Variants in CLCNKB observed in about 807,000 individuals in gnomAD.
The protein encoded by CLCNKB is chloride voltage-gated channel Kb, also known as chloride channel protein ClC-Kb.
Under a neutral mutation model 83.8 loss-of-function variants are expected in CLCNKB, and 74 were observed. The ratio of observed to expected loss-of-function variants is 0.88; its 90% CI spans 0.73 to 1.07. The LOEUF (loss-of-function observed/expected upper bound fraction) is 1.07, where lower values mean the gene tolerates loss of function less well. Ranked by LOEUF, CLCNKB falls within the 50% of genes least tolerant of loss-of-function variation. The probability of loss-of-function intolerance (pLI) is 0.00; values close to 1 mark genes in which losing one functional copy is unlikely to be tolerated. For synonymous variants in CLCNKB, 358 were observed against 356.6 expected (o/e 1.00, Z -0.04); for missense variants, 798 against 893.6 (o/e 0.89, Z 1.36).
chr1:16,053,546 C>T, intron 15 of CLCNKB, 93 bp from the exon 16 acceptor site: 2 of 1,588,862 alleles, frequency 1.3e-6, no homozygotes, highest in African/African-American at 2.7e-5. Flanking sequence ...GCCGTGGGTC[C>T]CCGGTTCAAG....
chr1:16,053,580 G>A, intron 15 of CLCNKB, 59 bp from the exon 16 acceptor site: 1 of 1,612,808 alleles, frequency 6.2e-7, no homozygotes, highest in Non-Finnish European at 8.5e-7. Flanking sequence ...AGATCCCCCT[G>A]CCAGCCTGGG....
chr1:16,050,116 T>G (rs2023241534), intron 10 of CLCNKB, among the ~76,000 whole-genome samples, 200 bp downstream of exon 10: 1 of 86,636 alleles, frequency 1.2e-5, no homozygotes, highest in Non-Finnish European at 2.6e-5. Flanking sequence ...AACCTCCCCA[T>G]TTAACCCCCA....
intron 14 of CLCNKB, 25 bp downstream of exon 14, chr1:16,051,845 G>T (rs201432447): frequency 1.5e-5 from 24 of 1,570,058 alleles, no homozygotes; most frequent in Non-Finnish European, 2.1e-5. Flanking sequence ...GGCCTGCTGC[G>T]TGGGCAATGT....
At position 16,057,092 on chromosome 1, in the gene CLCNKB, C is replaced by T. The variant is rs1317800575; in HGVS notation, c.*176C>T. ...AGAGGATGGCTCATCCTGGGTGGGA[C>T]GATGGCTCCTGCCTTGAAAGACAAA... On this transcript the variant is annotated 3_prime_UTR_variant, in exon 20 of 20. Transcript: ENST00000375679. 3.6e-4 allele frequency: 256 copies of T among 712,190 alleles called. No individual in the cohort carries two copies. The African/African-American group carries it at 3.6e-3, about 10-fold the overall frequency. The allele number at this position is 712,190 out of a possible 1,614,324, so 44.1% of individuals were successfully genotyped here.
intron 12 of CLCNKB, 46 bp from the exon 13 acceptor site, chr1:16,051,432 T>C: frequency 1.9e-6 from 3 of 1,605,806 alleles, no homozygotes; most frequent in Middle Eastern, 1.7e-4. Flanking sequence ...GTCCACGCCT[T>C]GCCCAGCAGC....
In CLCNKB at chr1:16,051,466, C is replaced by G; in HGVS notation, c.1228-12C>G. On this transcript the variant is annotated splice_polypyrimidine_tract_variant and intron_variant, in intron 12 of 19. Transcript: ENST00000375679. ...GCCTCTAACCTCTGCCCTGGGCTCC[C>G]CACTCCCACAGTTCTGGATGCTGAT... 1 of 1,614,088 alleles carries G rather than the reference C, an allele frequency of 6.2e-7. No individual in the cohort carries two copies. Among genetic ancestry groups the G allele is most frequent in the Admixed American group, 1.7e-5 (1 of 60,020 alleles).
rs544582273 is a variant in CLCNKB, at chr1:16,044,578, G to T, written c.86G>T (p.Arg29Leu). ...QELWGPCPRI[R>L]RGIRGGLEWL... ...CTGTGGGGCCCCTGTCCCCGCATCC[G>T]CCGAGGCATCCGAGGTGAGAGCCAG... is the stretch of plus-strand genomic sequence containing the variant. Residue 29 changes from arginine to leucine, a missense_variant, in exon 2 of 20, where the codon CGC becomes CTC. By Grantham distance (102) the Arg-to-Leu change is moderately radical. Coordinates refer to ENST00000375679, the MANE Select transcript of CLCNKB (RefSeq NM_000085.5). 1.9e-6 allele frequency: 3 copies of T among 1,601,320 alleles called. No individual in the cohort carries two copies. The highest frequency in any genetic ancestry group is 2.6e-6 in the Non-Finnish European group (3 of 1,174,928).
chr1:16,051,479 T>A lies in CLCNKB; in HGVS notation c.1229T>A (p.Phe410Tyr), dbSNP rs2023289197. The A allele has an allele frequency of 6.2e-7, 1 of 1,613,926 alleles. No individual in the cohort carries two copies. Among genetic ancestry groups the A allele is most frequent in the Admixed American group, 1.7e-5 (1 of 60,002 alleles). The change falls in exon 13 of 20, where the codon TTC becomes TAC. Residue 410 changes from phenylalanine to tyrosine, a missense_variant and splice_region_variant. Physicochemically the swap from Phe to Tyr is conservative, Grantham distance 22. Coordinates refer to ENST00000375679, the MANE Select transcript of CLCNKB (RefSeq NM_000085.5). The stretch of plus-strand genomic sequence containing the variant: ...GCCCTGGGCTCCCCACTCCCACAGT[T>A]CTGGATGCTGATTCTGGCCACCACC... Reference protein sequence around the residue: ...GTLAFFLVMKFWMLILATTIP... With the variant: ...GTLAFFLVMKYWMLILATTIP...
chr1:16,045,420 C>T (rs527577102), intron 2 of CLCNKB, 138 bp from the exon 3 acceptor site: 20 of 1,030,206 alleles, frequency 1.9e-5, no homozygotes, highest in African/African-American at 4.7e-5. Flanking sequence ...AGGGCCCCCT[C>T]GGGACTACCC....
At chr1:16,050,165 C>G (rs2023242861) in intron 10 of CLCNKB, among the ~76,000 whole-genome samples, 1 of 150,578 alleles carries the variant, frequency 6.6e-6, no homozygotes, top group Non-Finnish European at 1.5e-5. Flanking sequence ...GAACCCCAAC[C>G]CCCTCACTGA....
Position 16,056,430 on chromosome 1 carries a change from C to T in CLCNKB, c.1938C>T (p.Asn646=), listed in dbSNP as rs958070474. Residue 646 remains asparagine, a synonymous_variant, in exon 19 of 20, where the codon AAC becomes AAT. Coordinates refer to ENST00000375679, the MANE Select transcript of CLCNKB (RefSeq NM_000085.5). The part of the protein sequence containing the change: ...SPETSLHEAH[N]LFELLNLHSL... ...TAACATCCCCCATCCAGGCACACAACCTCTTTGAGCTGTTGAACCTTCATT... is the reference window on the plus strand; with the variant it reads ...TAACATCCCCCATCCAGGCACACAATCTCTTTGAGCTGTTGAACCTTCATT... 1.9e-6 allele frequency: 3 copies of T among 1,614,004 alleles called. No homozygotes were observed. Among genetic ancestry groups the T allele is most frequent in the Admixed American group, 3.3e-5 (2 of 60,004 alleles).
intron 9 of CLCNKB, 28 bp from the exon 10 acceptor site, chr1:16,049,787 T>C (rs1472163172): frequency 6.2e-7 from 1 of 1,613,776 alleles, no homozygotes; most frequent in Non-Finnish European, 8.5e-7. Context: ...GGGGTCGGGC[T>C]CTGGGCTCAT....
chr1:16,045,343 A>C (rs2023067750), intron 2 of CLCNKB, among the ~76,000 whole-genome samples: 1 of 152,172 alleles, frequency 6.6e-6, no homozygotes, highest in Non-Finnish European at 1.5e-5. Context: ...TAGGGGCAGC[A>C]GTCCTGGCAC....
chr1:16,055,231 T>C (rs1318543288), intron 16 of CLCNKB, among the ~76,000 whole-genome samples: 2 of 152,170 alleles, frequency 1.3e-5, no homozygotes, highest in East Asian at 3.9e-4. Flanking sequence ...CATCCTCAGC[T>C]ACCACACCTG....
chr1:16,045,535 C>T lies in CLCNKB; in HGVS notation c.101-23C>T, dbSNP rs569318749. 13 of 1,612,156 alleles carry T rather than the reference C, an allele frequency of 8.1e-6. No homozygotes were observed. In the Admixed American group the frequency reaches 1.5e-4, roughly 19 times the overall value. On this transcript the variant is annotated intron_variant, in intron 2 of 19. Transcript: ENST00000375679. Reference sequence around the variant, plus strand: ...CTGTGCCTCCTGCCCCACCCTGTGCCGTGACCCCATGCCCTGCCCCAGGTG... The same window carrying T: ...CTGTGCCTCCTGCCCCACCCTGTGCTGTGACCCCATGCCCTGCCCCAGGTG...
intron 12 of CLCNKB, 28 bp from the exon 13 acceptor site, chr1:16,051,450 C>T (rs774725816): frequency 1.2e-6 from 2 of 1,613,280 alleles, no homozygotes; most frequent in Non-Finnish European, 1.7e-6. Context: ...AGCCTCTAAC[C>T]TCTGCCCTGG....
intron 11 of CLCNKB, 78 bp from the exon 12 acceptor site, chr1:16,050,797 G>T: frequency 1.3e-6 from 2 of 1,598,840 alleles, no homozygotes; most frequent in Non-Finnish European, 8.5e-7. Context: ...GATTCCAGGC[G>T]GGGTCAGGCG....
intron 2 of CLCNKB, among the ~76,000 whole-genome samples, chr1:16,044,956 C>T (rs1436672772): frequency 6.6e-6 from 1 of 152,208 alleles, no homozygotes; most frequent in Non-Finnish European, 1.5e-5. Context: ...CACTTGGCAC[C>T]TTTCCTTGGA....
At position 16,052,189 on chromosome 1, in the gene CLCNKB, C is replaced by T. The variant is rs1267902132; in HGVS notation, c.1409-9C>T. 1.2e-6 allele frequency: 2 copies of T among 1,612,780 alleles called. No individual in the cohort carries two copies. Among genetic ancestry groups the T allele is most frequent in the Non-Finnish European group, 1.7e-6 (2 of 1,179,910 alleles). ...GCCTGAGCTGCCCTGCCTGACTCTG[C>T]CCTTGCAGGGGCTGCAGCCTTCTCA... On this transcript the variant is annotated splice_polypyrimidine_tract_variant and intron_variant, in intron 14 of 19. Transcript: ENST00000375679.
Sources: allele counts gnomAD v4.1 joint callset (sites outside exome capture counted in the v4.1 genomes callset), GRCh38; gene constraint gnomAD v4.1.1; transcripts MANE v1.5; gene names NCBI Gene and HGNC (gene_info 2026-07-23, HGNC 2026-07-21).